Variants in TSPEAR observed in about 807,000 individuals in gnomAD.
TSPEAR encodes thrombospondin-type laminin G domain and EAR repeat-containing protein.
TSPEAR carries 69 observed loss-of-function variants against 71.6 expected under a neutral mutation model. The ratio of observed to expected loss-of-function variants is 0.96; its 90% confidence interval spans 0.79 to 1.18. The LOEUF (loss-of-function observed/expected upper bound fraction) is 1.18, where lower values mean the gene tolerates loss of function less well. Among genes scored for constraint, TSPEAR ranks in the 50% most tolerant of loss-of-function variants. TSPEAR has a pLI of 0.00. For missense variants in TSPEAR, 971 were observed against 894.9 expected (o/e 1.09, Z -1.09); for synonymous variants, 402 against 387.2 (o/e 1.04, Z -0.45).
At chr21:44,666,967 G>A (rs2329843) in intron 1 of TSPEAR, 998,526 of 1,479,564 alleles carry the variant, frequency 0.67, 338,995 homozygotes, top group African/African-American at 0.81. Flanking sequence ...TTATACCTGG[G>A]CCCAGGCATC....
At chr21:44,618,469 C>G in intron 1 of TSPEAR, among the ~76,000 whole-genome samples, 1 of 152,334 alleles carries the variant, frequency 6.6e-6, no homozygotes, top group East Asian at 1.9e-4. Flanking sequence ...GTAAAATCAA[C>G]TTTATCCAAA....
At chr21:44,591,211 G>A in intron 1 of TSPEAR, 1 of 1,350,998 alleles carries the variant, frequency 7.4e-7, no homozygotes, top group African/African-American at 1.5e-5. Context: ...TGGGGGAGTA[G>A]CTGGGGTCTC....
chr21:44,526,986 C>A (rs143308706), intron 7 of TSPEAR, among the ~76,000 whole-genome samples: 1 of 152,324 alleles, frequency 6.6e-6, no homozygotes, highest in South Asian at 2.1e-4. Context: ...GGGTTCTTGA[C>A]CAGCTCATGT....
intron 2 of TSPEAR, chr21:44,558,299 C>T (rs1555920283): frequency 2.5e-6 from 4 of 1,614,104 alleles, no homozygotes; most frequent in African/African-American, 1.3e-5. Context: ...GGCGGCTAGA[C>T]TGCTGGCAGC....
At chr21:44,579,564 AC>A (rs1978727677) in intron 1 of TSPEAR, 1 of 676,096 alleles carries the variant, frequency 1.5e-6, no homozygotes, top group East Asian at 2.7e-5. Flanking sequence ...AGGGGACCCA[AC>A]AGGCAGGTGG....
At chr21:44,517,785 GGGCTGCCGATGGGAAATCCCA>G (rs782194985) in intron 9 of TSPEAR, 2 of 471,094 alleles carry the variant, frequency 4.2e-6, no homozygotes, top group African/African-American at 4.0e-5. Context: ...CTGATATCCA[GGGCTGCCGATGGGAAATCCCA>G]GGCTGCCGCG....
At position 44,615,759 on chromosome 21, in the gene TSPEAR, T is replaced by C. The variant is rs587709114; in HGVS notation, c.83-47754A>G. ...AAAGAAGCAGAACATCATGCAACAG[T>C]CGTATCCAAATTTCCCAAAAAGCTC... On this transcript the variant is annotated intron_variant, in intron 1 of 11. Coordinates refer to ENST00000323084, the MANE Select transcript of TSPEAR (RefSeq NM_144991.3). Among the ~76,000 whole-genome samples the C allele has an allele frequency of 7.8e-4, 119 of 152,146 alleles. 2 individuals are homozygous for C. Among genetic ancestry groups the C allele is most frequent in the Non-Finnish European group, 7.4e-5 (5 of 67,990 alleles).
At chr21:44,704,824 C>G (rs1434963118) in intron 1 of TSPEAR, among the ~76,000 whole-genome samples, 1 of 95,728 alleles carries the variant, frequency 1.0e-5, no homozygotes, top group African/African-American at 3.2e-5. Context: ...CCCAGTGTCA[C>G]GTCACGGCCC....
intron 3 of TSPEAR, among the ~76,000 whole-genome samples, chr21:44,532,433 C>G (rs1555915870): frequency 6.6e-6 from 1 of 152,208 alleles, no homozygotes; most frequent in Non-Finnish European, 1.5e-5. Flanking sequence ...TCAGCCTGCA[C>G]AGCACGTCCC....
intron 1 of TSPEAR, chr21:44,697,036 TCCCTCCCTCCTG>T: frequency 2.0e-6 from 2 of 1,021,612 alleles, no homozygotes; most frequent in East Asian, 2.9e-5. Context: ...GCTCACTCAC[TCCCTCCCTCCTG>T]CCCATCCAGC....
chr21:44,580,115 T>C (rs375793583), intron 1 of TSPEAR: 1 of 1,601,108 alleles, frequency 6.2e-7, no homozygotes, highest in Non-Finnish European at 8.5e-7. Flanking sequence ...GCAGCTAGAA[T>C]GCTGGCAGCA....
chr21:44,695,575 G>C lies in TSPEAR; in HGVS notation c.82+15858C>G, dbSNP rs1248244343. Among the ~76,000 whole-genome samples the C allele has an allele frequency of 2.0e-5, 3 of 152,206 alleles. No homozygotes were observed. The highest frequency in any genetic ancestry group is 3.4e-3 in the Middle Eastern group (1 of 294). On this transcript the variant is annotated intron_variant, in intron 1 of 11. Transcript: ENST00000323084. The surrounding 1 kb of genome is among the most constrained non-coding windows in gnomAD (Gnocchi z 4.5). Reference sequence around the variant, plus strand: ...TTCCTCCAAGTTCCTGGTCCCTTGTGGTGGGCCAGTTTATTCAGCTTAGGA... The same window carrying C: ...TTCCTCCAAGTTCCTGGTCCCTTGTCGTGGGCCAGTTTATTCAGCTTAGGA...
chr21:44,541,630 G>T (rs1555917243), intron 2 of TSPEAR, among the ~76,000 whole-genome samples: 1 of 152,196 alleles, frequency 6.6e-6, no homozygotes, highest in African/African-American at 2.4e-5. Flanking sequence ...AGAGCTTTTA[G>T]TAGTCTCATG....
intron 11 of TSPEAR, among the ~76,000 whole-genome samples, chr21:44,500,256 T>C (rs1601309335): frequency 6.6e-6 from 1 of 152,154 alleles, no homozygotes; most frequent in East Asian, 1.9e-4. Flanking sequence ...AATCGTGAGG[T>C]GCGTGACTTT....
rs782385955 is a variant in TSPEAR at position 44,567,783 on chromosome 21, AC to A, written c.303+1del. ...ACACGAAGTGCAGAAAGTGCCACTG[AC>A]CTTGGGTGGAAGATTGGGAACTCTC... On this transcript the variant is annotated splice_donor_variant, in intron 2 of 11. Coordinates refer to ENST00000323084, the MANE Select transcript of TSPEAR (RefSeq NM_144991.3). LOFTEE classifies it high-confidence loss of function. The A allele has an allele frequency of 6.4e-7, 1 of 1,563,098 alleles. No individual in the cohort carries two copies. The highest frequency in any genetic ancestry group is 8.7e-7 in the Non-Finnish European group (1 of 1,152,100).
At chr21:44,637,630 A>C (rs782139344) in intron 1 of TSPEAR, 1 of 1,612,082 alleles carries the variant, frequency 6.2e-7, no homozygotes, top group Non-Finnish European at 8.5e-7. Flanking sequence ...GCTCCTGCAC[A>C]ACCCCATGCT....
intron 1 of TSPEAR, chr21:44,702,240 C>T: frequency 1.2e-6 from 2 of 1,602,648 alleles, no homozygotes; most frequent in Admixed American, 1.7e-5. Flanking sequence ...CTTCCACCAA[C>T]TCCTGGCAGG....
chr21:44,625,246 G>A (rs1167415141), intron 1 of TSPEAR, among the ~76,000 whole-genome samples: 4 of 152,160 alleles, frequency 2.6e-5, no homozygotes, highest in African/African-American at 9.7e-5. Context: ...AAGAATGGGA[G>A]CTGAGCACAG....
At chr21:44,525,542 T>C in intron 8 of TSPEAR, 111 bp downstream of exon 8, 1 of 1,153,858 alleles carries the variant, frequency 8.7e-7, no homozygotes, top group Middle Eastern at 3.0e-4. Flanking sequence ...GTTCACCCTG[T>C]GCTGCATGTG....
Sources: gnomAD v4.1 joint callset for allele counts (sites outside exome capture counted in the v4.1 genomes callset) on GRCh38, gnomAD v4.1.1 for gene constraint, Gnocchi (gnomAD v3.1) non-coding constraint, MANE v1.5 for transcripts, NCBI Gene and HGNC (gene_info 2026-07-23, HGNC 2026-07-21) for gene names.